MLLT10: variants seen among roughly 807,000 people sequenced by gnomAD.
MLLT10 encodes the protein protein AF-10.
In MLLT10, 30 loss-of-function variants were observed where a neutral mutation model predicts 129.1. The ratio of observed to expected loss-of-function variants is 0.23; its 90% CI spans 0.17 to 0.32. The LOEUF is 0.32. Ranked by LOEUF, MLLT10 falls within the 10% of genes least tolerant of loss-of-function variation. The pLI is 1.00. For missense variants in MLLT10, 1,119 were observed against 1,268.3 expected, an observed-to-expected ratio of 0.88 and a Z score of 1.79; for synonymous variants, 490 against 446.4, an observed-to-expected ratio of 1.10 and a Z score of -1.23.
At chr10:21,562,809 GTTTTTTTTGTTTTTTTTT>G (rs2039011470) in intron 3 of MLLT10, among the ~76,000 whole-genome samples, 1 of 76,606 alleles carries the variant, frequency 1.3e-5, no homozygotes, top group Non-Finnish European at 2.5e-5. Context: ...CATATACTTT[GTTTTTTTTGTTTTTTTTT>G]TTTTTTTTTT....
At chr10:21,636,732 G>A (rs911754118) in intron 8 of MLLT10, among the ~76,000 whole-genome samples, 14 of 151,822 alleles carry the variant, frequency 9.2e-5, no homozygotes, top group African/African-American at 3.4e-4. Context: ...GTGCCACCAC[G>A]TTGGCTAATT....
intron 3 of MLLT10, among the ~76,000 whole-genome samples, chr10:21,569,179 G>A (rs1251851767): frequency 6.6e-6 from 1 of 152,094 alleles, no homozygotes; most frequent in Admixed American, 6.6e-5. Flanking sequence ...TGTATAGTTA[G>A]TTAGGTCAGT....
At chr10:21,652,642 A>G (rs1226024796) in intron 9 of MLLT10, among the ~76,000 whole-genome samples, 2 of 152,192 alleles carry the variant, frequency 1.3e-5, no homozygotes, top group East Asian at 3.8e-4. Flanking sequence ...CCATTATGCA[A>G]AGCTGTATAA....
chr10:21,595,086 T>G (rs2042919531), intron 4 of MLLT10, among the ~76,000 whole-genome samples: 1 of 152,220 alleles, frequency 6.6e-6, no homozygotes, highest in African/African-American at 2.4e-5. Flanking sequence ...AACATCTGAA[T>G]TTATAAATGT....
chr10:21,625,715 C>T, intron 8 of MLLT10: 2 of 768,112 alleles, frequency 2.6e-6, no homozygotes, highest in Middle Eastern at 2.3e-4. Context: ...CTGTTGTTTG[C>T]CACAGAAATG....
At chr10:21,628,760 T>G (rs2046718933) in intron 8 of MLLT10, among the ~76,000 whole-genome samples, 1 of 144,878 alleles carries the variant, frequency 6.9e-6, no homozygotes, top group Non-Finnish European at 1.5e-5. Context: ...TTTTTTTTTT[T>G]TTTTGACACA....
At chr10:21,734,726 C>T (rs1310189780) in intron 20 of MLLT10, among the ~76,000 whole-genome samples, 1 of 152,120 alleles carries the variant, frequency 6.6e-6, no homozygotes, top group Non-Finnish European at 1.5e-5. Context: ...TTTAGTTTTA[C>T]CATTGGGACC....
intron 8 of MLLT10, among the ~76,000 whole-genome samples, chr10:21,640,469 A>G (rs985038973): frequency 6.6e-6 from 1 of 151,760 alleles, no homozygotes; most frequent in African/African-American, 2.4e-5. Context: ...CAAGAGATAG[A>G]CAACTTATTA....
At chr10:21,722,945 A>C (rs950325426) in intron 14 of MLLT10, among the ~76,000 whole-genome samples, 2 of 152,018 alleles carry the variant, frequency 1.3e-5, no homozygotes, top group African/African-American at 2.4e-5. Context: ...CACCAAAATG[A>C]CTCTATCTGG....
chr10:21,535,473 G>C (rs1236959327), intron 2 of MLLT10, among the ~76,000 whole-genome samples: 1 of 152,184 alleles, frequency 6.6e-6, no homozygotes, highest in Non-Finnish European at 1.5e-5. Context: ...CGCCTGTGGG[G>C]TGGCCGCGGC....
chr10:21,593,930 A>T (rs1458778874), intron 4 of MLLT10, among the ~76,000 whole-genome samples: 117 of 135,440 alleles, frequency 8.6e-4, no homozygotes, highest in Middle Eastern at 3.6e-3. Flanking sequence ...TGTCTTTAAA[A>T]AAAAAAAAAA....
chr10:21,607,566 C>G (rs899005889), intron 5 of MLLT10, among the ~76,000 whole-genome samples: 2 of 152,066 alleles, frequency 1.3e-5, no homozygotes, highest in Admixed American at 6.5e-5. Flanking sequence ...GGTGATCCGC[C>G]CACCTTGTCC....
intron 14 of MLLT10, among the ~76,000 whole-genome samples, chr10:21,718,517 T>C (rs549438645): frequency 2.0e-5 from 3 of 152,322 alleles, no homozygotes; most frequent in East Asian, 3.9e-4. Context: ...CTGAATGCAA[T>C]GAAACATAAT....
intron 4 of MLLT10, 29 bp downstream of exon 4, chr10:21,586,377 TTTA>T: frequency 3.3e-6 from 5 of 1,511,332 alleles, no homozygotes; most frequent in Non-Finnish European, 4.5e-6. Flanking sequence ...TGAAAAAAAT[TTTA>T]TTGAAAACTG....
chr10:21,687,662 G>T (rs141756328), intron 13 of MLLT10, among the ~76,000 whole-genome samples: 1 of 152,238 alleles, frequency 6.6e-6, no homozygotes, highest in East Asian at 1.9e-4. Context: ...GGATAATTAG[G>T]TTAAAAAAAG....
At chr10:21,565,560 G>A (rs1271213346) in intron 3 of MLLT10, among the ~76,000 whole-genome samples, 1 of 150,568 alleles carries the variant, frequency 6.6e-6, no homozygotes, top group Non-Finnish European at 1.5e-5. Flanking sequence ...GCCTTCCTCG[G>A]CCTCCCAAAG....
In MLLT10 at chr10:21,720,597, T is replaced by A. The variant is rs1351907212; in HGVS notation, c.1879-5647T>A. 3.9e-5 allele frequency among the ~76,000 whole-genome samples: 6 copies of A among 152,236 alleles called. No homozygotes were observed. The East Asian group carries it at 9.6e-4, about 24-fold the overall frequency. ...TAAATTGGATCTAGAAACATTCAAGTCCTTACATTCTATGTGCAGCATTGC... is the reference window on the plus strand; with the variant it reads ...TAAATTGGATCTAGAAACATTCAAGACCTTACATTCTATGTGCAGCATTGC... On this transcript the variant is annotated intron_variant, in intron 14 of 22. Transcript: ENST00000307729.
chr10:21,540,829 C>G (rs1051716021), intron 3 of MLLT10, among the ~76,000 whole-genome samples: 2 of 152,112 alleles, frequency 1.3e-5, no homozygotes, highest in African/African-American at 4.8e-5. Context: ...ATAGCAAAAG[C>G]AGAAGCTTTT....
intron 4 of MLLT10, among the ~76,000 whole-genome samples, chr10:21,588,785 T>C (rs2042233673): frequency 6.6e-6 from 1 of 152,036 alleles, no homozygotes; most frequent in Non-Finnish European, 1.5e-5. Flanking sequence ...TTGTTTTTTC[T>C]CTTCTGTGGT....
Sources: gnomAD v4.1 joint callset for allele counts (sites outside exome capture counted in the v4.1 genomes callset) on GRCh38, gnomAD v4.1.1 for gene constraint, MANE v1.5 for transcripts, NCBI Gene and HGNC (gene_info 2026-07-23, HGNC 2026-07-21) for gene names.